Variants in CLNK observed in about 807,000 individuals in gnomAD.
CLNK encodes cytokine-dependent hematopoietic cell linker.
A neutral mutation model predicts 68.6 loss-of-function variants in CLNK; 74 were observed. The observed-to-expected ratio is 1.08, with a 90% CI of 0.89 to 1.31. CLNK has a LOEUF of 1.31. Among genes scored for constraint, CLNK ranks in the 50% most tolerant of loss-of-function variants. The pLI, the probability that CLNK is intolerant of heterozygous loss-of-function variation, is 0.00. For missense variants in CLNK, 553 were observed against 515.3 expected, an observed-to-expected ratio of 1.07 and a Z score of -0.71; for synonymous variants, 198 against 172.2, an observed-to-expected ratio of 1.15 and a Z score of -1.17.
chr4:10,701,619 C>A, the CLNK span, among the ~76,000 whole-genome samples: 8 of 152,054 alleles, frequency 5.3e-5, no homozygotes, highest in African/African-American at 1.9e-4. Context: ...GGAACTGATC[C>A]TAAGAAACAC....
chr4:10,679,053 G>A (rs1421328762), intron 1 of CLNK, among the ~76,000 whole-genome samples: 2 of 152,128 alleles, frequency 1.3e-5, no homozygotes, highest in East Asian at 3.8e-4. Context: ...AGCGTGCATT[G>A]CCAACTCAAT....
chr4:10,532,794 C>A (rs1718600916), intron 11 of CLNK, among the ~76,000 whole-genome samples: 1 of 152,096 alleles, frequency 6.6e-6, no homozygotes, highest in African/African-American at 2.4e-5. Flanking sequence ...GAGAAAAAAT[C>A]CAACATGGAA....
At chr4:10,613,732 G>T (rs772158699) in intron 2 of CLNK, among the ~76,000 whole-genome samples, 2 of 152,174 alleles carry the variant, frequency 1.3e-5, no homozygotes, top group Non-Finnish European at 2.9e-5. Flanking sequence ...AGCAGGGGAG[G>T]TGTTACTCTC....
chr4:10,512,041 A>G (rs1284328777), intron 16 of CLNK, among the ~76,000 whole-genome samples: 1 of 152,182 alleles, frequency 6.6e-6, no homozygotes, highest in African/African-American at 2.4e-5. Flanking sequence ...GGTATACTCA[A>G]ATAGCTGAAA....
At chr4:10,503,591 ATATT>A (rs1325778905) in intron 17 of CLNK, among the ~76,000 whole-genome samples, 3 of 148,434 alleles carry the variant, frequency 2.0e-5, no homozygotes, top group African/African-American at 4.9e-5. Context: ...TCAATAATGA[ATATT>A]TATAAATATA....
intron 2 of CLNK, among the ~76,000 whole-genome samples, chr4:10,604,484 G>A (rs997787581): frequency 1.3e-5 from 2 of 152,110 alleles, no homozygotes; most frequent in African/African-American, 4.8e-5. Context: ...AGGTTCTGGG[G>A]TCATGATACA....
intron 15 of CLNK, among the ~76,000 whole-genome samples, chr4:10,519,597 G>T (rs2012237): frequency 0.98 from 148,779 of 152,292 alleles, 72,704 homozygotes; most frequent in East Asian, 1. Flanking sequence ...GTTGGGAAAC[G>T]CATTAGCAAT....
At position 10,526,423 on chromosome 4, in the gene CLNK, C is replaced by T. The variant is rs190086011; in HGVS notation, c.650-501G>A. ...TGCAAGTAAGTCGATAAGAACATTT[C>T]TATTAGGCAGTACCGATGATATAAA... On this transcript the variant is annotated intron_variant, in intron 13 of 18. Transcript: ENST00000226951. Among the ~76,000 whole-genome samples the T allele has an allele frequency of 3.7e-4, 56 of 152,286 alleles. 1 individual carries two copies. The East Asian group carries it at 9.5e-3, about 26-fold the overall frequency.
chr4:10,734,080 C>T, the CLNK span, among the ~76,000 whole-genome samples: 54 of 152,284 alleles, frequency 3.5e-4, no homozygotes, highest in African/African-American at 1.3e-3. Flanking sequence ...TGTGCCTGCA[C>T]TTCTGTGAGG....
At chr4:10,687,076 T>A (rs1365469136), upstream of CLNK, among the ~76,000 whole-genome samples, 4 of 152,004 alleles carry the variant, frequency 2.6e-5, no homozygotes, top group African/African-American at 9.7e-5. Context: ...CAGATATATA[T>A]AAAACTACAA....
chr4:10,634,702 G>A (rs1259106363), intron 2 of CLNK, among the ~76,000 whole-genome samples: 2 of 152,164 alleles, frequency 1.3e-5, no homozygotes, highest in Non-Finnish European at 2.9e-5. Context: ...TCACTGCTCA[G>A]GCTTCTGAAG....
intron 11 of CLNK, 43 bp from the exon 12 acceptor site, chr4:10,532,326 T>C: frequency 6.6e-7 from 1 of 1,521,542 alleles, no homozygotes; most frequent in Non-Finnish European, 9.1e-7. Context: ...ACACAGTTCA[T>C]AATGACCAAG....
the CLNK span, among the ~76,000 whole-genome samples, chr4:10,725,420 G>A: frequency 3.5e-3 from 538 of 152,162 alleles, 2 homozygotes; most frequent in Middle Eastern, 0.014. Flanking sequence ...AACTGGAAGC[G>A]GAGGGCACCC....
chr4:10,660,693 A>G (rs1724160760), intron 2 of CLNK, among the ~76,000 whole-genome samples: 1 of 152,194 alleles, frequency 6.6e-6, no homozygotes, highest in Admixed American at 6.5e-5. Flanking sequence ...AACTAGTTCT[A>G]TCAGCAGCTG....
chr4:10,733,487 G>A, the CLNK span, among the ~76,000 whole-genome samples: 1 of 152,212 alleles, frequency 6.6e-6, no homozygotes, highest in Non-Finnish European at 1.5e-5. Flanking sequence ...TTAGTTTTCT[G>A]ATGTATAAAA....
In CLNK at chr4:10,596,952, C is replaced by G. The variant is rs148559276; in HGVS notation, c.83+1026G>C. Among the ~76,000 whole-genome samples, 39 of 152,276 alleles carry G rather than the reference C, an allele frequency of 2.6e-4. No homozygotes were observed. The East Asian group carries it at 6.7e-3, about 26-fold the overall frequency. ...ATTGTCAAGAAATAAGGAAAATGGA[C>G]TTAAAATGCATTATTCAAATGTATT... On this transcript the variant is annotated intron_variant, in intron 3 of 18. Coordinates refer to ENST00000226951, the MANE Select transcript of CLNK (RefSeq NM_052964.4).
Position 10,634,400 on chromosome 4 carries a change from G to A in CLNK, c.11+33459C>T, listed in dbSNP as rs912555981. 3.9e-5 allele frequency among the ~76,000 whole-genome samples: 6 copies of A among 152,108 alleles called. No homozygotes were observed. The South Asian group carries it at 1.0e-3, about 26-fold the overall frequency. On this transcript the variant is annotated intron_variant, in intron 2 of 18. Transcript: ENST00000226951. ...CCCAGCCAGCTTGCTGTGTGCGCTCGGCTCTTCATAATCTGGGGAATGAGG... is the reference window on the plus strand; with the variant it reads ...CCCAGCCAGCTTGCTGTGTGCGCTCAGCTCTTCATAATCTGGGGAATGAGG...
intron 2 of CLNK, among the ~76,000 whole-genome samples, chr4:10,657,627 T>A (rs1305737852): frequency 6.6e-6 from 1 of 152,216 alleles, no homozygotes; most frequent in Non-Finnish European, 1.5e-5. Context: ...ATAATTTCCG[T>A]TATTCACAGA....
At position 10,580,159 on chromosome 4, in the gene CLNK, G is replaced by A. The variant is rs1286256478; in HGVS notation, c.112+4768C>T. 2.0e-5 allele frequency among the ~76,000 whole-genome samples: 3 copies of A among 152,090 alleles called. No homozygotes were observed. In the East Asian group the frequency reaches 5.8e-4, roughly 29 times the overall value. On this transcript the variant is annotated intron_variant, in intron 4 of 18. Coordinates refer to ENST00000226951, the MANE Select transcript of CLNK (RefSeq NM_052964.4). Reference sequence around the variant, plus strand: ...GACCCTGGTGTTCCTCCACTGATCGGATCCATATCATTACCTAATGATGTT... The same window carrying A: ...GACCCTGGTGTTCCTCCACTGATCGAATCCATATCATTACCTAATGATGTT...
Sources: gnomAD v4.1 joint callset for allele counts (sites outside exome capture counted in the v4.1 genomes callset) on GRCh38, gnomAD v4.1.1 for gene constraint, MANE v1.5 for transcripts, NCBI Gene and HGNC (gene_info 2026-07-23, HGNC 2026-07-21) for gene names.